The following CCSER2 variants were observed in gnomAD, a reference collection of about 807,000 sequenced individuals.
CCSER2 encodes serine-rich coiled-coil domain-containing protein 2.
Under a neutral mutation model 92.3 loss-of-function variants are expected in CCSER2, and 46 were observed. The observed-to-expected ratio is 0.50, with a 90% CI of 0.39 to 0.64. The LOEUF (loss-of-function observed/expected upper bound fraction) is 0.64. CCSER2 is among the 30% of genes least tolerant of loss of function. CCSER2 has a pLI of 0.00. For synonymous variants in CCSER2, 433 were observed against 431.4 expected, an observed-to-expected ratio of 1.00 and a Z score of -0.04; for missense variants, 1,244 against 1,238.9, an observed-to-expected ratio of 1.00 and a Z score of -0.06.
intron 1 of CCSER2, among the ~76,000 whole-genome samples, chr10:84,333,378 A>G (rs1484935618): frequency 1.3e-5 from 2 of 152,172 alleles, no homozygotes; most frequent in Admixed American, 6.5e-5. Context: ...CCTAGGAGGT[A>G]GGTTCTTTTA....
intron 7 of CCSER2, among the ~76,000 whole-genome samples, chr10:84,468,233 C>T (rs1314609284): frequency 2.0e-5 from 3 of 152,180 alleles, no homozygotes; most frequent in Non-Finnish European, 4.4e-5. Flanking sequence ...TACCACACTC[C>T]TCTATCTTCT....
chr10:84,410,824 G>C (rs534102247), intron 3 of CCSER2, among the ~76,000 whole-genome samples: 2 of 152,268 alleles, frequency 1.3e-5, no homozygotes, highest in Admixed American at 1.3e-4. Flanking sequence ...TCATCATGAA[G>C]TATTTGCCTG....
intron 1 of CCSER2, among the ~76,000 whole-genome samples, chr10:84,349,860 G>A (rs914096721): frequency 6.6e-6 from 1 of 151,894 alleles, no homozygotes; most frequent in Non-Finnish European, 1.5e-5. Context: ...TTTTAGAAAT[G>A]TAAATCAGAT....
intron 3 of CCSER2, among the ~76,000 whole-genome samples, chr10:84,395,264 T>C (rs17103428): frequency 0.057 from 8,693 of 151,578 alleles, 360 homozygotes; most frequent in Admixed American, 0.1. Context: ...AATATGTTCC[T>C]TTTACCTAGC....
intron 3 of CCSER2, among the ~76,000 whole-genome samples, chr10:84,387,752 T>C (rs1183189769): frequency 6.6e-6 from 1 of 151,778 alleles, no homozygotes; most frequent in Non-Finnish European, 1.5e-5. Context: ...ATGGTCTCGA[T>C]CTCCTGACTT....
chr10:84,389,877 T>C (rs1463677487), intron 3 of CCSER2, among the ~76,000 whole-genome samples: 1 of 152,222 alleles, frequency 6.6e-6, no homozygotes, highest in East Asian at 1.9e-4. Context: ...CCTTGCTCTT[T>C]TGTACAAGAT....
chr10:84,387,005 A>T (rs1245445134), intron 3 of CCSER2, among the ~76,000 whole-genome samples: 2 of 152,104 alleles, frequency 1.3e-5, no homozygotes, highest in African/African-American at 4.8e-5. Context: ...TGTTTGGGTG[A>T]TGGGTTTCTA....
At chr10:84,372,876 T>C (rs1846140935) in intron 2 of CCSER2, among the ~76,000 whole-genome samples, 2 of 152,130 alleles carry the variant, frequency 1.3e-5, no homozygotes, top group African/African-American at 4.8e-5. Flanking sequence ...AATGAGATAA[T>C]ATAGGTTATG....
chr10:84,359,690 G>T (rs925108253), intron 1 of CCSER2, among the ~76,000 whole-genome samples: 1 of 151,972 alleles, frequency 6.6e-6, no homozygotes, highest in African/African-American at 2.4e-5. Context: ...GTATATAAGT[G>T]CTCCTGAGAG....
intron 1 of CCSER2, among the ~76,000 whole-genome samples, chr10:84,368,736 T>C (rs914252651): frequency 2.0e-5 from 3 of 152,144 alleles, no homozygotes; most frequent in African/African-American, 7.2e-5. Flanking sequence ...ATGAATGAAT[T>C]GTGTAGTGGT....
chr10:84,514,227 C>G lies in CCSER2; in HGVS notation c.3104C>G (p.Ser1035Cys). The G allele has an allele frequency of 3.9e-6, 6 of 1,536,466 alleles. No individual in the cohort carries two copies. Among genetic ancestry groups the G allele is most frequent in the Non-Finnish European group, 2.6e-6 (3 of 1,146,982 alleles). ...GNLHSGDCLA[S>C]NRYSRLPKPK... is the part of the protein sequence containing the mutation. ...TTGCATTCTGGGGATTGTTTGGCCT[C>G]TAATCGATATTCTCGTCTTCCTAAA... The change falls in exon 10 of 10, where the codon TCT becomes TGT. Residue 1035 changes from serine to cysteine, a missense_variant. By Grantham distance (112) the Ser-to-Cys change is moderately radical. Transcript: ENST00000372088.
At chr10:84,416,090 G>C (rs1246471094) in intron 3 of CCSER2, among the ~76,000 whole-genome samples, 3 of 152,216 alleles carry the variant, frequency 2.0e-5, no homozygotes, top group Non-Finnish European at 2.9e-5. Flanking sequence ...GCTTATGAGA[G>C]GATCTCCTTA....
intron 1 of CCSER2, among the ~76,000 whole-genome samples, chr10:84,357,963 A>T (rs1163610093): frequency 1.3e-5 from 2 of 152,146 alleles, no homozygotes; most frequent in Non-Finnish European, 2.9e-5. Flanking sequence ...GAAGAAGAGA[A>T]TGTGGTTTAA....
intron 9 of CCSER2, among the ~76,000 whole-genome samples, chr10:84,485,053 T>A (rs1297078917): frequency 6.6e-6 from 1 of 152,234 alleles, no homozygotes; most frequent in African/African-American, 2.4e-5. Flanking sequence ...GTTTAAAGTA[T>A]CCATTGGAAG....
chr10:84,340,572 TTGA>T (rs1255218707), intron 1 of CCSER2, among the ~76,000 whole-genome samples: 2 of 152,194 alleles, frequency 1.3e-5, no homozygotes, highest in Non-Finnish European at 2.9e-5. Flanking sequence ...ATGAGACTTG[TTGA>T]TGATTTATTT....
chr10:84,393,542 AT>A (rs1841650490), intron 3 of CCSER2, among the ~76,000 whole-genome samples: 1 of 152,060 alleles, frequency 6.6e-6, no homozygotes. Flanking sequence ...CCTACGCTGT[AT>A]TTTGGTGCAT....
intron 6 of CCSER2, among the ~76,000 whole-genome samples, chr10:84,451,820 C>T (rs886942232): frequency 1.3e-5 from 2 of 151,992 alleles, no homozygotes; most frequent in African/African-American, 4.8e-5. Context: ...GTGTCTTTGC[C>T]CTGACCATCT....
At chr10:84,331,072 A>G (rs1400970955) in intron 1 of CCSER2, among the ~76,000 whole-genome samples, 1 of 152,224 alleles carries the variant, frequency 6.6e-6, no homozygotes, top group East Asian at 1.9e-4. Flanking sequence ...GGTCAATAGA[A>G]TATTGAACTT....
chr10:84,482,977 A>G (rs890818890), intron 9 of CCSER2, among the ~76,000 whole-genome samples: 6 of 152,246 alleles, frequency 3.9e-5, no homozygotes, highest in African/African-American at 1.4e-4. Context: ...GTGATTTTAT[A>G]TACATTAAAA....
Sources: allele counts gnomAD v4.1 joint callset (sites outside exome capture counted in the v4.1 genomes callset), GRCh38; gene constraint gnomAD v4.1.1; transcripts MANE v1.5; gene names NCBI Gene and HGNC (gene_info 2026-07-23, HGNC 2026-07-21).